CRADD: variants seen among roughly 807,000 people sequenced by gnomAD.
CRADD encodes death domain-containing protein CRADD.
CRADD carries 9 observed loss-of-function variants against 15.5 expected under a neutral mutation model. The ratio of observed to expected loss-of-function variants is 0.58; its 90% CI spans 0.35 to 1.01. The LOEUF is 1.01. Ranked by LOEUF, CRADD falls within the 50% of genes least tolerant of loss-of-function variation. The pLI is 0.02. For missense variants in CRADD, 227 were observed against 250.3 expected, an observed-to-expected ratio of 0.91 and a Z score of 0.63; for synonymous variants, 118 against 107.6, an observed-to-expected ratio of 1.10 and a Z score of -0.60.
rs189687900 is a variant in CRADD at position 93,894,008 on chromosome 12, C to T, written c.299-42C>T. 2.4e-3 allele frequency: 1,718 copies of T among 702,492 alleles called. 14 individuals are homozygous for T. Among genetic ancestry groups the T allele is most frequent in the South Asian group, 4.4e-3 (299 of 67,600 alleles). 43.5% of individuals were successfully genotyped at this position (702,492 alleles called of 1,614,324 possible). A position where few individuals can be genotyped will look rare whatever the true frequency, so the allele number is the denominator to read the frequency against. ...CCACACACATTAGCTCAGCTGATCG[C>T]CATACTCCCTTGATTTGACCTTCTC... On this transcript the variant is annotated intron_variant, in intron 2 of 2. Transcript: ENST00000548483.
rs141060591 is a variant in CRADD at position 93,748,339 on chromosome 12, CTT to C, written c.298+69268_298+69269del. On this transcript the variant is annotated intron_variant, in intron 2 of 2. Transcript: ENST00000332896. ...ATTTTATTTGAGATGGAGTTTCACT[CTT>C]GTTGCCCAGGCTGGAGCGCAATGGT... Among the ~76,000 whole-genome samples, 1,371 of 152,222 alleles carry C rather than the reference CTT, an allele frequency of 9.0e-3. 19 individuals carry two copies. The highest frequency in any genetic ancestry group is 0.031 in the African/African-American group (1,296 of 41,516).
chr12:93,784,424 C>T (rs765111882), intron 2 of CRADD, among the ~76,000 whole-genome samples: 2 of 151,932 alleles, frequency 1.3e-5, no homozygotes, highest in Admixed American at 6.6e-5. Flanking sequence ...CAAGGTTGCA[C>T]GGTTAATAAA....
At chr12:93,783,329 C>A (rs952203615) in intron 2 of CRADD, among the ~76,000 whole-genome samples, 1 of 150,528 alleles carries the variant, frequency 6.6e-6, no homozygotes, top group Non-Finnish European at 1.5e-5. Flanking sequence ...CCCACAAATC[C>A]AGGTCTGCCT....
intron 2 of CRADD, among the ~76,000 whole-genome samples, chr12:93,766,127 T>G (rs1007240993): frequency 6.6e-5 from 10 of 152,318 alleles, no homozygotes; most frequent in South Asian, 2.1e-4. Flanking sequence ...TATGGAAAAC[T>G]CAAAACGCCT....
At chr12:93,744,527 A>C (rs1200809260) in intron 2 of CRADD, among the ~76,000 whole-genome samples, 2 of 152,198 alleles carry the variant, frequency 1.3e-5, no homozygotes, top group African/African-American at 4.8e-5. Flanking sequence ...TCACACTTGC[A>C]GTGTCCCTTC....
intron 2 of CRADD, among the ~76,000 whole-genome samples, chr12:93,834,486 G>A (rs1957952044): frequency 6.6e-6 from 1 of 152,038 alleles, no homozygotes; most frequent in Admixed American, 6.6e-5. Flanking sequence ...TTTAAAATTA[G>A]TTTGGTTTTT....
chr12:93,775,873 A>T (rs1293175415), intron 2 of CRADD, among the ~76,000 whole-genome samples: 1 of 152,210 alleles, frequency 6.6e-6, no homozygotes, highest in Non-Finnish European at 1.5e-5. Context: ...AGGGTTTCAG[A>T]GGACTCTAGG....
chr12:93,740,558 T>C (rs1956649857), intron 2 of CRADD, among the ~76,000 whole-genome samples: 1 of 152,190 alleles, frequency 6.6e-6, no homozygotes, highest in Admixed American at 6.5e-5. Context: ...TTTTATTTGT[T>C]GCCATGATTA....
In CRADD at chr12:93,727,501, G is replaced by A. The variant is rs531786068; in HGVS notation, c.298+48429G>A. Among the ~76,000 whole-genome samples the A allele has an allele frequency of 6.6e-5, 10 of 152,280 alleles. No individual in the cohort carries two copies. In the South Asian group the frequency reaches 1.9e-3, roughly 28 times the overall value. ...TTGTTACCATTTTAGGCATGAAATAGAACGATTTTCTCCCAGAACATGATG... is the reference window on the plus strand; with the variant it reads ...TTGTTACCATTTTAGGCATGAAATAAAACGATTTTCTCCCAGAACATGATG... On this transcript the variant is annotated intron_variant, in intron 2 of 2. Coordinates refer to ENST00000332896, the MANE Select transcript of CRADD (RefSeq NM_003805.5).
intron 2 of CRADD, among the ~76,000 whole-genome samples, chr12:93,833,281 A>C (rs971625966): frequency 6.6e-6 from 1 of 152,188 alleles, no homozygotes; most frequent in East Asian, 1.9e-4. Flanking sequence ...AGATAGATGG[A>C]TGGAGAGATA....
chr12:93,735,830 AAATGAGAATAATTATT>A, intron 2 of CRADD: 1 of 152,158 alleles, frequency 6.6e-6, no homozygotes, highest in Non-Finnish European at 1.5e-5. Context: ...AACTGATTTA[AAATGAGAATAATTATT>A]CCTACCAAGT....
chr12:93,863,124 T>G (rs1958330729), intron 2 of CRADD, among the ~76,000 whole-genome samples: 1 of 152,212 alleles, frequency 6.6e-6, no homozygotes, highest in Non-Finnish European at 1.5e-5. Context: ...TCCCCTGGCT[T>G]GATATCATGC....
chr12:93,752,892 T>C (rs1369932405), intron 2 of CRADD, among the ~76,000 whole-genome samples: 1 of 152,142 alleles, frequency 6.6e-6, no homozygotes. Context: ...CAGTCGAAGG[T>C]GAAAGGCACA....
intron 2 of CRADD, among the ~76,000 whole-genome samples, chr12:93,773,656 C>T (rs11107178): frequency 6.6e-6 from 1 of 151,942 alleles, no homozygotes; most frequent in Non-Finnish European, 1.5e-5. Flanking sequence ...TTGTCATTTT[C>T]TAAGGCCTTG....
chr12:93,810,677 C>T (rs1957615600), intron 2 of CRADD, among the ~76,000 whole-genome samples: 1 of 149,374 alleles, frequency 6.7e-6, no homozygotes, highest in Non-Finnish European at 1.5e-5. Context: ...TCCTAGCCTC[C>T]TTGTGAAACG....
chr12:93,842,881 T>C (rs1471686374), intron 2 of CRADD, among the ~76,000 whole-genome samples: 1 of 152,116 alleles, frequency 6.6e-6, no homozygotes, highest in Non-Finnish European at 1.5e-5. Context: ...TTCATTGCAG[T>C]AAATGGGGTT....
Position 93,726,406 on chromosome 12 carries a change from T to C in CRADD, c.298+47334T>C, listed in dbSNP as rs116022291. On this transcript the variant is annotated intron_variant, in intron 2 of 2. Transcript: ENST00000332896. ...GGCATAAGCCCCAGCACCTGGCCAA[T>C]AGTTTAGTTTTTTAATGACTCCCTC... Among the ~76,000 whole-genome samples, 443 of 152,182 alleles carry C rather than the reference T, an allele frequency of 2.9e-3. 3 individuals carry two copies. The highest frequency in any genetic ancestry group is 0.01 in the African/African-American group (425 of 41,546).
chr12:93,840,723 C>A (rs532057390), intron 2 of CRADD, among the ~76,000 whole-genome samples: 2 of 152,102 alleles, frequency 1.3e-5, no homozygotes, highest in South Asian at 4.1e-4. Context: ...TGTGCCACCA[C>A]GCCTGGCTAA....
At position 93,850,212 on chromosome 12, in the gene CRADD, C is replaced by A. The variant is rs1430205528; in HGVS notation, c.541C>A (p.His181Asn). Residue 181 changes from histidine (H) to asparagine (N), a missense_variant, in exon 3 of 3, where the codon CAC becomes AAC. His to Asn is a moderately conservative substitution (Grantham distance 68). Coordinates refer to ENST00000332896, the MANE Select transcript of CRADD (RefSeq NM_003805.5). The surrounding 1 kb of genome is among the most constrained non-coding windows in gnomAD (Gnocchi z 4.0). The part of the protein sequence containing the change: ...FGKQATFQSL[H>N]NGLRAVEVDP... ...GAAGCAGGCCACCTTCCAGAGCCTG[C>A]ACAACGGGCTGCGGGCTGTGGAGGT... 6.2e-7 allele frequency: 1 copy of A among 1,612,630 alleles called. No homozygotes were observed. The highest frequency in any genetic ancestry group is 8.5e-7 in the Non-Finnish European group (1 of 1,179,214).
Sources: allele counts gnomAD v4.1 joint callset (sites outside exome capture counted in the v4.1 genomes callset), GRCh38; gene constraint gnomAD v4.1.1; non-coding constraint Gnocchi (gnomAD v3.1); transcripts MANE v1.5; gene names NCBI Gene and HGNC (gene_info 2026-07-23, HGNC 2026-07-21).